THSD7A: variants seen among roughly 807,000 people sequenced by gnomAD.
THSD7A encodes thrombospondin type 1 domain containing 7A, also known as thrombospondin type-1 domain-containing protein 7A.
Under a neutral mutation model 231.3 loss-of-function variants are expected in THSD7A, and 96 were observed. The ratio of observed to expected loss-of-function variants is 0.41; its 90% CI spans 0.35 to 0.49. The LOEUF (loss-of-function observed/expected upper bound fraction) is 0.49, where lower values mean the gene tolerates loss of function less well. Ranked by LOEUF, THSD7A falls within the 20% of genes least tolerant of loss-of-function variation. The probability of loss-of-function intolerance (pLI) is 0.05; values close to 1 mark genes in which losing one functional copy is unlikely to be tolerated. For synonymous variants in THSD7A, 940 were observed against 743.3 expected (o/e 1.26, Z -4.30); for missense variants, 2,290 against 2,070.2 (o/e 1.11, Z -2.06).
chr7:11,673,116 A>T (rs900876976), intron 1 of THSD7A, among the ~76,000 whole-genome samples: 1 of 152,160 alleles, frequency 6.6e-6, no homozygotes, highest in Non-Finnish European at 1.5e-5. Context: ...TGACACAGAC[A>T]CTATGCTTGA....
At chr7:11,570,424 A>T (rs986295443) in intron 4 of THSD7A, among the ~76,000 whole-genome samples, 1 of 152,154 alleles carries the variant, frequency 6.6e-6, no homozygotes, top group Non-Finnish European at 1.5e-5. Flanking sequence ...AGTTTTCAAT[A>T]GCACAGTTGG....
chr7:11,552,143 C>T (rs1463580795), intron 4 of THSD7A, among the ~76,000 whole-genome samples: 1 of 151,988 alleles, frequency 6.6e-6, no homozygotes, highest in Non-Finnish European at 1.5e-5. Flanking sequence ...GAAAAACAGA[C>T]ATCAGGGCCT....
intron 2 of THSD7A, among the ~76,000 whole-genome samples, chr7:11,601,793 C>CA (rs2128344699): frequency 6.6e-6 from 1 of 152,260 alleles, no homozygotes; most frequent in African/African-American, 2.4e-5. Flanking sequence ...AAACTACTCA[C>CA]ATTACCTTGT....
intron 2 of THSD7A, among the ~76,000 whole-genome samples, chr7:11,606,532 C>A (rs1471109497): frequency 6.6e-6 from 1 of 152,098 alleles, no homozygotes; most frequent in Non-Finnish European, 1.5e-5. Context: ...AATATATTAT[C>A]TGTAAACAAA....
In THSD7A at chr7:11,424,911, TTTCA is replaced by T; in HGVS notation, c.3250-86_3250-83del. On this transcript the variant is annotated intron_variant, in intron 15 of 27. Coordinates refer to ENST00000423059, the MANE Select transcript of THSD7A (RefSeq NM_015204.3). ...GACTTCCACACCATAACAGCAATCA[TTTCA>T]CTGTGAAGCTACTTTCACTCCCCTC... is the stretch of plus-strand genomic sequence containing the variant. 2.0e-6 allele frequency: 3 copies of T among 1,535,420 alleles called. No homozygotes were observed. In the South Asian group the frequency reaches 3.6e-5, roughly 18 times the overall value.
At chr7:11,589,493 C>T (rs896734561) in intron 4 of THSD7A, among the ~76,000 whole-genome samples, 4 of 152,192 alleles carry the variant, frequency 2.6e-5, no homozygotes, top group South Asian at 2.1e-4. Flanking sequence ...TACTCCCTTA[C>T]GCTCATTCTG....
rs1399073189 is a variant in THSD7A at position 11,706,676 on chromosome 7, C to G, written c.191-69715G>C. 2.4e-5 allele frequency among the ~76,000 whole-genome samples: 3 copies of G among 122,562 alleles called. No individual in the cohort carries two copies. In the Admixed American group the frequency reaches 3.0e-4, roughly 12 times the overall value. The allele number at this position is 122,562 out of a possible 152,430, so 80.4% of individuals were successfully genotyped here. On this transcript the variant is annotated intron_variant, in intron 1 of 27. Coordinates refer to ENST00000423059, the MANE Select transcript of THSD7A (RefSeq NM_015204.3). ...TTTTTAGAAATTATCAACTGCCTAGCAAGAACACATTTGCTTCTTAAATCA... is the reference window on the plus strand; with the variant it reads ...TTTTTAGAAATTATCAACTGCCTAGGAAGAACACATTTGCTTCTTAAATCA...
intron 1 of THSD7A, among the ~76,000 whole-genome samples, chr7:11,723,776 C>G (rs772977478): frequency 2.0e-5 from 3 of 151,842 alleles, no homozygotes; most frequent in Non-Finnish European, 4.4e-5. Context: ...TATTGTGTTT[C>G]TATCATAACA....
At chr7:11,805,788 T>C (rs1400231861) in intron 1 of THSD7A, among the ~76,000 whole-genome samples, 3 of 152,140 alleles carry the variant, frequency 2.0e-5, no homozygotes. Flanking sequence ...GTTTTTATAG[T>C]TACTTACATT....
At chr7:11,428,722 A>C (rs1784393909) in intron 14 of THSD7A, among the ~76,000 whole-genome samples, 1 of 152,210 alleles carries the variant, frequency 6.6e-6, no homozygotes, top group Non-Finnish European at 1.5e-5. Flanking sequence ...CCATTGAATT[A>C]CATACATATT....
chr7:11,620,359 T>C (rs933336426), intron 2 of THSD7A, among the ~76,000 whole-genome samples: 2 of 152,138 alleles, frequency 1.3e-5, no homozygotes, highest in African/African-American at 2.4e-5. Context: ...GTAGATAAAT[T>C]TAATTACATG....
At chr7:11,447,184 C>G (rs751258589) in intron 12 of THSD7A, 46 bp downstream of exon 12, 1 of 1,568,242 alleles carries the variant, frequency 6.4e-7, no homozygotes, top group Non-Finnish European at 8.8e-7. Flanking sequence ...GTATTATGTT[C>G]CTCTACTTTG....
intron 6 of THSD7A, among the ~76,000 whole-genome samples, chr7:11,529,287 G>T (rs1241500849): frequency 6.6e-6 from 1 of 152,024 alleles, no homozygotes; most frequent in Non-Finnish European, 1.5e-5. Flanking sequence ...TTCTGTTAGT[G>T]AATACAATAG....
intron 13 of THSD7A, among the ~76,000 whole-genome samples, chr7:11,432,000 A>G (rs1270552868): frequency 2.0e-5 from 3 of 152,182 alleles, no homozygotes; most frequent in Admixed American, 6.5e-5. Flanking sequence ...CCTTTAAACC[A>G]AAATGGCAAA....
chr7:11,393,516 C>G (rs902033659), intron 23 of THSD7A, among the ~76,000 whole-genome samples: 1 of 152,140 alleles, frequency 6.6e-6, no homozygotes, highest in Non-Finnish European at 1.5e-5. Flanking sequence ...ATCATTTTGA[C>G]AAATGGACAG....
At chr7:11,412,825 CAGAA>C (rs746182495) in intron 17 of THSD7A, 25 bp from the exon 18 acceptor site, 2 of 1,598,706 alleles carry the variant, frequency 1.3e-6, no homozygotes, top group African/African-American at 1.3e-5. Flanking sequence ...TACAAATTCT[CAGAA>C]AGGTGAATAC....
intron 1 of THSD7A, among the ~76,000 whole-genome samples, chr7:11,824,269 A>C (rs1368165419): frequency 1.3e-5 from 2 of 152,056 alleles, no homozygotes. Flanking sequence ...CCTGTCCTAT[A>C]TATTCACTAC....
intron 2 of THSD7A, among the ~76,000 whole-genome samples, chr7:11,595,042 C>G (rs1250813040): frequency 2.0e-5 from 3 of 152,174 alleles, no homozygotes; most frequent in African/African-American, 7.2e-5. Context: ...CATCCACTCC[C>G]CAACCCATGC....
chr7:11,692,710 A>G (rs1407741977), intron 1 of THSD7A, among the ~76,000 whole-genome samples: 2 of 151,568 alleles, frequency 1.3e-5, no homozygotes, highest in African/African-American at 4.8e-5. Context: ...AGACAACAAG[A>G]TTTCCTAATG....
Sources: gnomAD v4.1 joint callset for allele counts (sites outside exome capture counted in the v4.1 genomes callset) on GRCh38, gnomAD v4.1.1 for gene constraint, MANE v1.5 for transcripts, NCBI Gene and HGNC (gene_info 2026-07-23, HGNC 2026-07-21) for gene names.